Variants in TEDC1 observed in about 807,000 individuals in gnomAD.
The protein encoded by TEDC1 is tubulin epsilon and delta complex protein 1.
A neutral mutation model predicts 59.9 loss-of-function variants in TEDC1; 54 were observed. The observed-to-expected ratio is 0.90, with a 90% confidence interval of 0.72 to 1.13. The LOEUF is 1.13. Ranked by LOEUF, TEDC1 falls within the 50% of genes most tolerant of loss-of-function variation. The pLI, the probability that TEDC1 is intolerant of heterozygous loss-of-function variation, is 0.00. For synonymous variants in TEDC1, 353 were observed against 298.1 expected (o/e 1.18, Z -1.90); for missense variants, 734 against 683.4 (o/e 1.07, Z -0.83).
At chr14:105,498,073 A>G (rs1199761684) in intron 8 of TEDC1, 96 bp downstream of exon 8, 1 of 1,359,220 alleles carries the variant, frequency 7.4e-7, no homozygotes, top group Non-Finnish European at 9.6e-7. Context: ...CTACAGTTGC[A>G]TTTGTCAAGC....
At chr14:105,494,945 A>G (rs1362736231) in intron 5 of TEDC1, 2 of 152,170 alleles carry the variant, frequency 1.3e-5, no homozygotes, top group African/African-American at 4.8e-5. Flanking sequence ...GTCTTGGCTC[A>G]CTGCAACCTC....
chr14:105,495,701 C>A (rs1314199561), intron 5 of TEDC1, 179 bp from the exon 6 acceptor site: 3 of 605,604 alleles, frequency 5.0e-6, no homozygotes. Context: ...GCCCCTGGGA[C>A]CCCTGGGTTG....
intron 4 of TEDC1, among the ~76,000 whole-genome samples, chr14:105,493,510 T>C (rs2084267162): frequency 6.6e-6 from 1 of 152,134 alleles, no homozygotes; most frequent in Non-Finnish European, 1.5e-5. Flanking sequence ...GCTGTGCCTG[T>C]CCAGAGGCTG....
At chr14:105,491,023 G>C (rs587757857), upstream of TEDC1, 4 of 1,550,320 alleles carry the variant, frequency 2.6e-6, no homozygotes, top group South Asian at 2.4e-5. Flanking sequence ...AGACAGAATA[G>C]ACTACACTCA....
chr14:105,492,605 A>G lies in TEDC1; in HGVS notation c.456A>G (p.Pro152=), dbSNP rs1555439692. 1.3e-6 allele frequency: 2 copies of G among 1,540,910 alleles called. No homozygotes were observed. Among genetic ancestry groups the G allele is most frequent in the Admixed American group, 2.0e-5 (1 of 50,992 alleles). Residue 152 remains proline (P), a synonymous_variant, in exon 4 of 9, where the codon CCA becomes CCG. Transcript: ENST00000392523. ...GTGAGGCCCTGGCCAGCCCTGGCCCACCTGCACCCCACATGGAAGCAGAGG... is the reference window on the plus strand; with the variant it reads ...GTGAGGCCCTGGCCAGCCCTGGCCCGCCTGCACCCCACATGGAAGCAGAGG... ...CQCEALASPG[P]PAPHMEAEGP... is the part of the protein sequence containing the mutation.
upstream of TEDC1, chr14:105,490,917 G>T: frequency 9.7e-7 from 1 of 1,032,172 alleles, no homozygotes; most frequent in Non-Finnish European, 1.5e-6. Context: ...GCGAGGCGGG[G>T]TGTCGGGTGT....
chr14:105,491,731 G>A, intron 2 of TEDC1, 31 bp downstream of exon 2: 2 of 1,537,628 alleles, frequency 1.3e-6, no homozygotes, highest in Non-Finnish European at 1.8e-6. Flanking sequence ...CGCCCACCCG[G>A]TAGCACTGGC....
At chr14:105,494,332 C>T (rs1555440103) in intron 5 of TEDC1, 1 of 273,928 alleles carries the variant, frequency 3.7e-6, no homozygotes, top group Non-Finnish European at 7.2e-6. Context: ...GGGGGCCAGC[C>T]CACACTGGGT....
chr14:105,498,515 T>C (rs1345288811), intron 8 of TEDC1, 102 bp from the exon 9 acceptor site: 1 of 1,287,116 alleles, frequency 7.8e-7, no homozygotes, highest in African/African-American at 1.5e-5. Flanking sequence ...GTTTCCCGCA[T>C]GCCTGCAGCG....
chr14:105,497,676 C>T (rs1595479112), intron 7 of TEDC1, 122 bp from the exon 8 acceptor site: 23 of 1,298,722 alleles, frequency 1.8e-5, no homozygotes, highest in Non-Finnish European at 2.4e-5. Flanking sequence ...CTGGACGTCA[C>T]AGTTGCTGAG....
intron 6 of TEDC1, chr14:105,497,081 G>A (rs1201479765): frequency 1.1e-5 from 6 of 544,114 alleles, no homozygotes; most frequent in Non-Finnish European, 1.9e-5. Context: ...GAGCCGGGGG[G>A]CAGCTCTTGC....
Position 105,491,612 on chromosome 14 carries a change from T to A in TEDC1, c.148-10T>A. 1 of 1,549,494 alleles carries A rather than the reference T, an allele frequency of 6.5e-7. No individual in the cohort carries two copies. Among genetic ancestry groups the A allele is most frequent in the South Asian group, 1.2e-5 (1 of 84,042 alleles). On this transcript the variant is annotated splice_polypyrimidine_tract_variant and intron_variant, in intron 1 of 8. Transcript: ENST00000392523. ...GGCTCCGCTGACCGCCCGCTTTTTATTTTCCGCAGACCTCCGCGCTCTGGC... is the reference window on the plus strand; with the variant it reads ...GGCTCCGCTGACCGCCCGCTTTTTAATTTCCGCAGACCTCCGCGCTCTGGC...
chr14:105,492,335 G>A, intron 3 of TEDC1, 26 bp downstream of exon 3: 1 of 1,596,804 alleles, frequency 6.3e-7, no homozygotes, highest in Non-Finnish European at 8.5e-7. Context: ...GGTGAGCTGA[G>A]CCAGCCCTGG....
At chr14:105,490,959 G>A, upstream of TEDC1, 2 of 1,382,236 alleles carry the variant, frequency 1.4e-6, no homozygotes, top group South Asian at 1.2e-5. Context: ...GGCGGACTCT[G>A]CGGTGTTCTC....
upstream of TEDC1, chr14:105,490,678 G>A (rs587701747): frequency 5.7e-6 from 1 of 173,988 alleles, no homozygotes; most frequent in African/African-American, 2.4e-5. Context: ...AGCTGCCCGG[G>A]ACTTCGCGCC....
In TEDC1 at chr14:105,494,160, G is replaced by C. The variant is rs914314499; in HGVS notation, c.684+227G>C. ...ACCCTTCCCTTCCACAAATCAAGAC[G>C]TGGCACGGGTGGGGGCCCAGGACGC... On this transcript the variant is annotated intron_variant, in intron 5 of 8. Transcript: ENST00000392523. 8 of 580,302 alleles carry C rather than the reference G, an allele frequency of 1.4e-5. No homozygotes were observed. In the South Asian group the frequency reaches 1.6e-4, roughly 12 times the overall value. The allele number at this position is 580,302 out of a possible 1,614,324, so 35.9% of individuals were successfully genotyped here. A position where few individuals can be genotyped will look rare whatever the true frequency, so the allele number is the denominator to read the frequency against.
intron 5 of TEDC1, 92 bp from the exon 6 acceptor site, chr14:105,495,787 TG>T (rs1260127815): frequency 6.7e-5 from 71 of 1,057,106 alleles, no homozygotes; most frequent in Middle Eastern, 2.9e-4. Flanking sequence ...TGTGGTGGGC[TG>T]GGGGGGCCTG....
At chr14:105,491,903 C>G (rs963446385) in intron 2 of TEDC1, among the ~76,000 whole-genome samples, 1 of 152,244 alleles carries the variant, frequency 6.6e-6, no homozygotes, top group African/African-American at 2.4e-5. Context: ...GTAGCACTGG[C>G]TTCTGCTCCT....
intron 6 of TEDC1, 62 bp from the exon 7 acceptor site, chr14:105,497,295 T>C: frequency 6.7e-7 from 1 of 1,486,232 alleles, no homozygotes; most frequent in Non-Finnish European, 9.2e-7. Flanking sequence ...CAGCTGTCCA[T>C]CCGACTGTCT....
Sources: allele counts gnomAD v4.1 joint callset (sites outside exome capture counted in the v4.1 genomes callset), GRCh38; gene constraint gnomAD v4.1.1; transcripts MANE v1.5; gene names NCBI Gene and HGNC (gene_info 2026-07-23, HGNC 2026-07-21).